Variants in PHACTR1 observed in about 807,000 individuals in gnomAD.
PHACTR1 encodes the protein phosphatase and actin regulator 1.
Under a neutral mutation model 69.2 loss-of-function variants are expected in PHACTR1, and 16 were observed. The ratio of observed to expected loss-of-function variants is 0.23; its 90% CI spans 0.16 to 0.35. The LOEUF (loss-of-function observed/expected upper bound fraction) is 0.35. Ranked by LOEUF, PHACTR1 falls within the 10% of genes least tolerant of loss-of-function variation. PHACTR1 has a pLI of 1.00. For missense variants in PHACTR1, 510 were observed against 734.7 expected (o/e 0.69, Z 3.54); for synonymous variants, 312 against 284.5 (o/e 1.10, Z -0.97).
chr6:12,933,587 G>A (rs1789103947), intron 4 of PHACTR1: 1 of 1,604,680 alleles, frequency 6.2e-7, no homozygotes, highest in Non-Finnish European at 8.5e-7. Flanking sequence ...TTTGTTATCT[G>A]ACCTGGGCTC....
In PHACTR1 at chr6:12,727,137, C is replaced by T. The variant is rs138551360; in HGVS notation, c.103+8290C>T. 1.7e-3 allele frequency among the ~76,000 whole-genome samples: 258 copies of T among 152,318 alleles called. 1 individual carries two copies. The highest frequency in any genetic ancestry group is 5.5e-3 in the African/African-American group (227 of 41,580). ...ACAAACTACCTACCATGCCTACCCT[C>T]CTAACTGCCCACTCATTCCATTTCA... On this transcript the variant is annotated intron_variant, in intron 3 of 14. Transcript: ENST00000332995.
intron 5 of PHACTR1, among the ~76,000 whole-genome samples, chr6:13,063,906 C>G (rs1241305736): frequency 6.6e-6 from 1 of 152,096 alleles, no homozygotes; most frequent in African/African-American, 2.4e-5. Flanking sequence ...GTTAAGGAGT[C>G]TGGGTGTTAT....
chr6:13,169,454 G>C (rs2113623550), intron 6 of PHACTR1, among the ~76,000 whole-genome samples: 1 of 152,196 alleles, frequency 6.6e-6, no homozygotes, highest in Non-Finnish European at 1.5e-5. Context: ...ATGTAGAGTA[G>C]GAAAATAAGG....
chr6:12,845,425 A>AACCCCCCC (rs1561938718), intron 4 of PHACTR1, among the ~76,000 whole-genome samples: 8 of 14,810 alleles, frequency 5.4e-4, no homozygotes, highest in South Asian at 5.7e-3. Context: ...TGTGAACACC[A>AACCCCCCC]CCCACCCCCC....
intron 9 of PHACTR1, among the ~76,000 whole-genome samples, chr6:13,229,810 A>C (rs998826779): frequency 6.6e-6 from 1 of 152,246 alleles, no homozygotes; most frequent in Admixed American, 6.5e-5. Context: ...CCTGGAGAGC[A>C]GAGACCCAAT....
intron 4 of PHACTR1, among the ~76,000 whole-genome samples, chr6:12,845,459 C>T (rs1187291570): frequency 8.3e-6 from 1 of 121,170 alleles, no homozygotes; most frequent in Non-Finnish European, 1.6e-5. Flanking sequence ...CCGTGCTGGG[C>T]AGTCTTTCTG....
intron 4 of PHACTR1, among the ~76,000 whole-genome samples, chr6:12,772,224 A>C (rs1006328801): frequency 1.4e-4 from 22 of 152,180 alleles, no homozygotes; most frequent in African/African-American, 4.8e-4. Flanking sequence ...ATGCTTTCCA[A>C]ATGAGATCCT....
chr6:13,240,676 G>T (rs1418148515), intron 10 of PHACTR1, among the ~76,000 whole-genome samples: 1 of 152,038 alleles, frequency 6.6e-6, no homozygotes, highest in Non-Finnish European at 1.5e-5. Flanking sequence ...CAAACTCCTG[G>T]ACTCAAGTGA....
intron 6 of PHACTR1, among the ~76,000 whole-genome samples, chr6:13,174,798 A>G (rs1761098790): frequency 1.3e-5 from 2 of 152,044 alleles, no homozygotes; most frequent in African/African-American, 4.8e-5. Flanking sequence ...ACTTCACACA[A>G]GTTATTTAAC....
chr6:12,857,300 G>C (rs1780480769), intron 4 of PHACTR1, among the ~76,000 whole-genome samples: 2 of 152,116 alleles, frequency 1.3e-5, no homozygotes, highest in Non-Finnish European at 2.9e-5. Flanking sequence ...TAATATACTT[G>C]CATGCTCATT....
At chr6:12,990,863 G>A (rs1412872338) in intron 4 of PHACTR1, among the ~76,000 whole-genome samples, 3 of 152,118 alleles carry the variant, frequency 2.0e-5, no homozygotes, top group African/African-American at 7.2e-5. Flanking sequence ...GAGACGACCG[G>A]GCTCCTCTCT....
intron 4 of PHACTR1, among the ~76,000 whole-genome samples, chr6:12,825,710 A>G (rs1305718820): frequency 3.3e-5 from 5 of 152,102 alleles, no homozygotes; most frequent in African/African-American, 1.2e-4. Context: ...ATTTCTTTCT[A>G]GAGTGTCCTT....
intron 4 of PHACTR1, among the ~76,000 whole-genome samples, chr6:12,845,264 A>G (rs998822553): frequency 3.3e-5 from 5 of 152,154 alleles, no homozygotes; most frequent in African/African-American, 4.8e-5. Flanking sequence ...CTTCTTCACC[A>G]GATCTCTTGA....
chr6:12,947,604 G>C (rs1014774962), intron 4 of PHACTR1, among the ~76,000 whole-genome samples: 2 of 152,182 alleles, frequency 1.3e-5, no homozygotes, highest in Non-Finnish European at 2.9e-5. Flanking sequence ...AGACGCTCCT[G>C]GGTTTGCATC....
Position 13,228,563 on chromosome 6 carries a change from C to T in PHACTR1, c.1234+500C>T, listed in dbSNP as rs539406850. ...GAAATGAAGAAAGCAAAGTTCAAAA[C>T]CTATCACTCTGGCCATGAACAGTAA... On this transcript the variant is annotated intron_variant, in intron 9 of 14. Coordinates refer to ENST00000332995, the MANE Select transcript of PHACTR1 (RefSeq NM_030948.6). 3.3e-5 allele frequency among the ~76,000 whole-genome samples: 5 copies of T among 152,350 alleles called. 1 individual carries two copies. In the South Asian group the frequency reaches 1.0e-3, roughly 32 times the overall value.
At chr6:12,953,546 A>C (rs1410657949) in intron 4 of PHACTR1, among the ~76,000 whole-genome samples, 1 of 152,216 alleles carries the variant, frequency 6.6e-6, no homozygotes, top group African/African-American at 2.4e-5. Flanking sequence ...CTACACATCA[A>C]CTTGTCTAAA....
At chr6:13,278,914 G>T (rs1275138987) in intron 12 of PHACTR1, among the ~76,000 whole-genome samples, 1 of 147,566 alleles carries the variant, frequency 6.8e-6, no homozygotes. Context: ...AGTGAGCCGA[G>T]ATCGCGCCAC....
chr6:13,171,915 G>A (rs577455696), intron 6 of PHACTR1, among the ~76,000 whole-genome samples: 43 of 152,220 alleles, frequency 2.8e-4, no homozygotes, highest in Admixed American at 4.6e-4. Context: ...ACAGGCATGC[G>A]CCACCATGCC....
chr6:13,074,468 A>T (rs1810095922), intron 5 of PHACTR1, among the ~76,000 whole-genome samples: 1 of 152,198 alleles, frequency 6.6e-6, no homozygotes, highest in African/African-American at 2.4e-5. Flanking sequence ...GGCAAAAATA[A>T]TCAAAATTTT....
Sources: gnomAD v4.1 joint callset for allele counts (sites outside exome capture counted in the v4.1 genomes callset) on GRCh38, gnomAD v4.1.1 for gene constraint, MANE v1.5 for transcripts, NCBI Gene and HGNC (gene_info 2026-07-23, HGNC 2026-07-21) for gene names.